The following NTMT1 variants were observed in gnomAD, a reference collection of about 807,000 sequenced individuals.
NTMT1 encodes the protein N-terminal RCC1 methyltransferase.
A neutral mutation model predicts 17.5 loss-of-function variants in NTMT1; 8 were observed. The ratio of observed to expected loss-of-function variants is 0.46; its 90% CI spans 0.27 to 0.82. NTMT1 has a LOEUF of 0.82. NTMT1 is among the 40% of genes least tolerant of loss of function. The pLI, the probability that NTMT1 is intolerant of heterozygous loss-of-function variation, is 0.15. For missense variants in NTMT1, 221 were observed against 303.5 expected, an observed-to-expected ratio of 0.73 and a Z score of 2.02; for synonymous variants, 128 against 126.8, an observed-to-expected ratio of 1.01 and a Z score of -0.06.
chr9:129,613,458 G>A lies in NTMT1; in HGVS notation c.-55+4280G>A, dbSNP rs1258119013. 4 of 1,614,036 alleles carry A rather than the reference G, an allele frequency of 2.5e-6. No individual in the cohort carries two copies. Among genetic ancestry groups the A allele is most frequent in the Middle Eastern group, 1.7e-4 (1 of 6,060 alleles). ...ACAGGCCAGCGCAGTCCCAACACGA[G>A]GAGCTGGCCAGGGTCTCCTCCTTGG... On this transcript the variant is annotated intron_variant, in intron 1 of 3. Transcript: ENST00000372486. This position sits in a 1 kb window ranked among gnomAD's most constrained non-coding sequence, Gnocchi z 6.2.
intron 1 of NTMT1, among the ~76,000 whole-genome samples, chr9:129,630,792 G>A (rs1396504120): frequency 6.6e-6 from 1 of 152,234 alleles, no homozygotes; most frequent in African/African-American, 2.4e-5. Flanking sequence ...AGTCAGCTGC[G>A]CGTTTTCCAC....
chr9:129,619,400 GATGGATGA>G, intron 1 of NTMT1: 1 of 745,972 alleles, frequency 1.3e-6, no homozygotes, highest in Non-Finnish European at 2.3e-6. Flanking sequence ...CATATGTAAG[GATGGATGA>G]ATGGGTAGAT....
rs1409390504 is a variant in NTMT1, at chr9:129,613,462, C to A, written c.-55+4284C>A. The stretch of plus-strand genomic sequence containing the variant: ...GCCAGCGCAGTCCCAACACGAGGAG[C>A]TGGCCAGGGTCTCCTCCTTGGCCCC... On this transcript the variant is annotated intron_variant, in intron 1 of 3. Coordinates refer to the NTMT1 transcript ENST00000372486. The surrounding 1 kb of genome is among the most constrained non-coding windows in gnomAD (Gnocchi z 6.2). 1.2e-6 allele frequency: 2 copies of A among 1,614,012 alleles called. No homozygotes were observed. Among genetic ancestry groups the A allele is most frequent in the Non-Finnish European group, 1.7e-6 (2 of 1,180,002 alleles).
At chr9:129,635,106 T>C in intron 3 of NTMT1, 102 bp from the exon 4 acceptor site, 2 of 1,398,210 alleles carry the variant, frequency 1.4e-6, no homozygotes, top group Non-Finnish European at 1.9e-6. Flanking sequence ...CACAAAATGC[T>C]GGGCACAAAT....
At chr9:129,633,333 GCTGCTGTTGGCCAC>G in intron 2 of NTMT1, 1 of 269,650 alleles carries the variant, frequency 3.7e-6, no homozygotes, top group Non-Finnish European at 6.9e-6. Flanking sequence ...GGCACTGGAG[GCTGCTGTTGGCCAC>G]CTGCTCCATC....
At position 129,620,460 on chromosome 9, in the gene NTMT1, C is replaced by T; in HGVS notation, c.-55+11282C>T. 7.5e-7 allele frequency: 1 copy of T among 1,332,898 alleles called. No individual in the cohort carries two copies. The highest frequency in any genetic ancestry group is 3.5e-5 in the Admixed American group (1 of 28,954). The allele number at this position is 1,332,898 out of a possible 1,614,324, so 82.6% of individuals were successfully genotyped here. ...CGCGCGCCCAGAGCCGCTCGGAGCG[C>T]GGGCGGGGTCAGCTTGGGCAGCCGC... On this transcript the variant is annotated intron_variant, in intron 1 of 3. Coordinates refer to the NTMT1 transcript ENST00000372486. The surrounding 1 kb of genome is among the most constrained non-coding windows in gnomAD (Gnocchi z 5.8).
chr9:129,627,721 T>G (rs1830965774), intron 1 of NTMT1, among the ~76,000 whole-genome samples: 2 of 152,250 alleles, frequency 1.3e-5, no homozygotes, highest in African/African-American at 4.8e-5. Flanking sequence ...TCTCACTTCC[T>G]TCTTTTTCTT....
At chr9:129,610,510 A>G (rs932776711) in intron 1 of NTMT1, among the ~76,000 whole-genome samples, 3 of 151,402 alleles carry the variant, frequency 2.0e-5, no homozygotes, top group African/African-American at 7.3e-5. Flanking sequence ...GTTTCCCCCC[A>G]CCCGCCAGGG....
chr9:129,627,700 T>G (rs1309987240), intron 1 of NTMT1, among the ~76,000 whole-genome samples: 2 of 152,238 alleles, frequency 1.3e-5, no homozygotes, highest in African/African-American at 4.8e-5. Flanking sequence ...TTTTGTCTTC[T>G]TCCCTCCCTT....
intron 1 of NTMT1, among the ~76,000 whole-genome samples, chr9:129,629,932 T>G (rs1831076599): frequency 6.6e-6 from 1 of 151,950 alleles, no homozygotes. Flanking sequence ...AGACCCCATC[T>G]CAAAAAAACA....
Position 129,613,260 on chromosome 9 carries a change from G to T in NTMT1, c.-55+4082G>T. 4 of 1,596,720 alleles carry T rather than the reference G, an allele frequency of 2.5e-6. No homozygotes were observed. Among genetic ancestry groups the T allele is most frequent in the Non-Finnish European group, 3.4e-6 (4 of 1,169,512 alleles). ...GTGTCTTCTGGGTGGACCTGGGGGA[G>T]ACAGGACCCCATGAGCTTCCTGGAC... is the stretch of plus-strand genomic sequence containing the variant. On this transcript the variant is annotated intron_variant, in intron 1 of 3. Coordinates refer to the NTMT1 transcript ENST00000372486. The surrounding 1 kb of genome is among the most constrained non-coding windows in gnomAD (Gnocchi z 6.2).
In NTMT1 at chr9:129,618,868, GTTT is replaced by G. The variant is rs34259203; in HGVS notation, c.-55+9705_-55+9707del. 5.4e-3 allele frequency among the ~76,000 whole-genome samples: 691 copies of G among 128,278 alleles called. 16 individuals carry two copies. The East Asian group carries it at 0.067, about 12-fold the overall frequency. The allele number at this position is 128,278 out of a possible 152,430, so 84.2% of individuals were successfully genotyped here. On this transcript the variant is annotated intron_variant, in intron 1 of 3. Coordinates refer to the NTMT1 transcript ENST00000372486. ...CCACCACGCCCGGCTAATTTTTTGTGTTTTTTTTTTTTTTTTTGTATATTTTTA... is the reference window on the plus strand; with the variant it reads ...CCACCACGCCCGGCTAATTTTTTGTGTTTTTTTTTTTTTTGTATATTTTTA...
chr9:129,623,126 G>A (rs1260360120), upstream of NTMT1, among the ~76,000 whole-genome samples: 2 of 152,036 alleles, frequency 1.3e-5, no homozygotes, highest in East Asian at 1.9e-4. Context: ...GAGGTCAGGA[G>A]ATCGAGACCA....
chr9:129,632,936 C>A, intron 2 of NTMT1, 71 bp downstream of exon 2: 1 of 1,517,088 alleles, frequency 6.6e-7, no homozygotes, highest in Non-Finnish European at 9.0e-7. Context: ...ATGTGGGGTG[C>A]CACCTTTTAC....
In NTMT1 at chr9:129,613,097, A is replaced by G; in HGVS notation, c.-55+3919A>G. 6.2e-7 allele frequency: 1 copy of G among 1,613,706 alleles called. No homozygotes were observed. Among genetic ancestry groups the G allele is most frequent in the Non-Finnish European group, 8.5e-7 (1 of 1,179,990 alleles). On this transcript the variant is annotated intron_variant, in intron 1 of 3. Coordinates refer to the NTMT1 transcript ENST00000372486. This position sits in a 1 kb window ranked among gnomAD's most constrained non-coding sequence, Gnocchi z 6.2. The stretch of plus-strand genomic sequence containing the variant: ...AGCTTCTAGGTCCAGGAGCAAGACC[A>G]TTTGCCCACCTGCTCCAGGTTTCTG...
chr9:129,616,436 G>A (rs772664238), intron 1 of NTMT1, among the ~76,000 whole-genome samples: 1 of 152,090 alleles, frequency 6.6e-6, no homozygotes, highest in South Asian at 2.1e-4. Context: ...GGGTGGTCCC[G>A]AACGCCTGAC....
chr9:129,610,861 G>C (rs771712857), intron 1 of NTMT1, among the ~76,000 whole-genome samples: 3 of 152,174 alleles, frequency 2.0e-5, no homozygotes, highest in Non-Finnish European at 4.4e-5. Flanking sequence ...GACGGGGGAC[G>C]GGGCGTGAAT....
intron 1 of NTMT1, among the ~76,000 whole-genome samples, chr9:129,616,182 C>T (rs756565768): frequency 1.3e-5 from 2 of 152,066 alleles, no homozygotes; most frequent in African/African-American, 4.8e-5. Flanking sequence ...TCTGCAGGAC[C>T]CAGAGGAAAC....
Position 129,613,370 on chromosome 9 carries a change from T to C in NTMT1, c.-55+4192T>C. The C allele has an allele frequency of 6.3e-7, 1 of 1,590,228 alleles. No homozygotes were observed. Among genetic ancestry groups the C allele is most frequent in the South Asian group, 1.1e-5 (1 of 89,052 alleles). ...GCCTGCTGCTGGGTGGGGAGGTCTG[T>C]AGGCAAGGGGGGTGGAGGGCCCTGG... On this transcript the variant is annotated intron_variant, in intron 1 of 3. Coordinates refer to the NTMT1 transcript ENST00000372486. This position sits in a 1 kb window ranked among gnomAD's most constrained non-coding sequence, Gnocchi z 6.2.
Sources: allele counts gnomAD v4.1 joint callset (sites outside exome capture counted in the v4.1 genomes callset), GRCh38; gene constraint gnomAD v4.1.1; non-coding constraint Gnocchi (gnomAD v3.1); transcripts MANE v1.5; gene names NCBI Gene and HGNC (gene_info 2026-07-23, HGNC 2026-07-21).